CNOT2: variants seen among roughly 807,000 people sequenced by gnomAD.
The protein encoded by CNOT2 is CC chemokine receptor 4-negative regulator of transcription 2.
Under a neutral mutation model 72.1 loss-of-function variants are expected in CNOT2, and 7 were observed. The observed-to-expected ratio is 0.10, with a 90% CI of 0.06 to 0.18. CNOT2 has a LOEUF of 0.18. Ranked by LOEUF, CNOT2 falls within the 10% of genes least tolerant of loss-of-function variation. The pLI is 1.00. For synonymous variants in CNOT2, 196 were observed against 225.6 expected, an observed-to-expected ratio of 0.87 and a Z score of 1.17; for missense variants, 345 against 660.3, an observed-to-expected ratio of 0.52 and a Z score of 5.23.
At chr12:70,254,421 A>G (rs1388859501) in intron 1 of CNOT2, among the ~76,000 whole-genome samples, 1 of 152,046 alleles carries the variant, frequency 6.6e-6, no homozygotes, top group East Asian at 1.9e-4. Flanking sequence ...GGTGGGATGG[A>G]GCGGGATGTC....
At chr12:70,349,509 A>G (rs1347044383) in intron 15 of CNOT2, among the ~76,000 whole-genome samples, 1 of 152,170 alleles carries the variant, frequency 6.6e-6, no homozygotes, top group East Asian at 1.9e-4. Flanking sequence ...ATAATATTTT[A>G]TGTCCATTCA....
chr12:70,254,980 CAAAAAAA>C (rs34311334), intron 1 of CNOT2, among the ~76,000 whole-genome samples: 2 of 110,842 alleles, frequency 1.8e-5, no homozygotes, highest in Non-Finnish European at 3.8e-5. Flanking sequence ...GACTGCATCT[CAAAAAAA>C]AAAAAAAAAA....
At chr12:70,308,793 T>C (rs1875934732) in intron 2 of CNOT2, among the ~76,000 whole-genome samples, 1 of 152,156 alleles carries the variant, frequency 6.6e-6, no homozygotes, top group Admixed American at 6.5e-5. Context: ...GTCTTGATGA[T>C]AAGTGTTATA....
At chr12:70,339,437 C>G (rs1448273775) in intron 11 of CNOT2, among the ~76,000 whole-genome samples, 1 of 152,114 alleles carries the variant, frequency 6.6e-6, no homozygotes, top group Non-Finnish European at 1.5e-5. Context: ...CCATGAAATT[C>G]TGTGGTCAGT....
intron 2 of CNOT2, among the ~76,000 whole-genome samples, chr12:70,281,576 A>C (rs1418934313): frequency 6.6e-6 from 1 of 152,136 alleles, no homozygotes; most frequent in Non-Finnish European, 1.5e-5. Flanking sequence ...ACAGGGGTTT[A>C]CTTATATTGG....
Position 70,344,110 on chromosome 12 carries a change from G to A in CNOT2, c.1291-18G>A, listed in dbSNP as rs1274038351. Reference sequence around the variant, plus strand: ...AGATTTGTTTTATATTTCAGAATAAGTTATTTTTCTTTTTCAGCTGGCTGC... The same window carrying A: ...AGATTTGTTTTATATTTCAGAATAAATTATTTTTCTTTTTCAGCTGGCTGC... On this transcript the variant is annotated intron_variant, in intron 13 of 15. Transcript: ENST00000229195. The A allele has an allele frequency of 6.5e-7, 1 of 1,547,802 alleles. No homozygotes were observed. The highest frequency in any genetic ancestry group is 2.3e-5 in the East Asian group (1 of 44,282).
intron 1 of CNOT2, among the ~76,000 whole-genome samples, chr12:70,262,765 C>T (rs1210445858): frequency 6.6e-6 from 1 of 150,552 alleles, no homozygotes; most frequent in Non-Finnish European, 1.5e-5. Context: ...CCTCTACCTC[C>T]CGGGTTCAAG....
At chr12:70,336,428 T>C (rs1383158495) in intron 8 of CNOT2, 2 of 152,118 alleles carry the variant, frequency 1.3e-5, no homozygotes, top group Non-Finnish European at 2.9e-5. Context: ...ATAGTTTTTT[T>C]CTTTTGGGAA....
chr12:70,284,986 G>A (rs1870612801), intron 2 of CNOT2, among the ~76,000 whole-genome samples: 1 of 152,078 alleles, frequency 6.6e-6, no homozygotes, highest in South Asian at 2.1e-4. Flanking sequence ...TAGCACCCCT[G>A]TGTGTTCGCT....
intron 4 of CNOT2, 127 bp from the exon 5 acceptor site, chr12:70,329,296 A>G (rs929457626): frequency 5.0e-6 from 3 of 596,084 alleles, no homozygotes; most frequent in Non-Finnish European, 8.9e-6. Flanking sequence ...TGAATCGAAT[A>G]TATCCATTTA....
At chr12:70,255,405 A>G (rs1432440874) in intron 1 of CNOT2, among the ~76,000 whole-genome samples, 3 of 152,142 alleles carry the variant, frequency 2.0e-5, no homozygotes, top group Admixed American at 6.5e-5. Flanking sequence ...ATGTGTATGA[A>G]TAACTTACGC....
chr12:70,344,546 C>T (rs1055304441), intron 14 of CNOT2: 1 of 222,020 alleles, frequency 4.5e-6, no homozygotes. Context: ...ACACAGCAAA[C>T]CACATTTCTA....
At chr12:70,319,241 A>G (rs1171368831) in intron 3 of CNOT2, 57 bp from the exon 4 acceptor site, 1 of 1,442,762 alleles carries the variant, frequency 6.9e-7, no homozygotes, top group Non-Finnish European at 9.7e-7. Flanking sequence ...TGTGGAGTGT[A>G]AATGCAATGC....
chr12:70,299,135 C>A (rs116089373), intron 2 of CNOT2, among the ~76,000 whole-genome samples: 1 of 152,042 alleles, frequency 6.6e-6, no homozygotes, highest in African/African-American at 2.4e-5. Context: ...GGAGCAGTCA[C>A]GTCTCACATG....
At chr12:70,243,678 G>C (rs1254694271) in intron 1 of CNOT2, 198 bp downstream of exon 1, 1 of 151,428 alleles carries the variant, frequency 6.6e-6, no homozygotes, top group East Asian at 2.0e-4. Context: ...GAGCGGGCGG[G>C]GAGGGGGGTG....
chr12:70,288,779 A>G (rs1002825974), intron 2 of CNOT2, among the ~76,000 whole-genome samples: 1 of 152,182 alleles, frequency 6.6e-6, no homozygotes, highest in Non-Finnish European at 1.5e-5. Flanking sequence ...ACCAAACAAC[A>G]TCTATTTTAA....
At chr12:70,322,563 G>T (rs1308965723) in intron 4 of CNOT2, 1 of 151,722 alleles carries the variant, frequency 6.6e-6, no homozygotes, top group Non-Finnish European at 1.5e-5. Context: ...ATATCTGGGT[G>T]AATTCATTAT....
chr12:70,245,063 A>G (rs1444804158), intron 1 of CNOT2, among the ~76,000 whole-genome samples: 2 of 152,230 alleles, frequency 1.3e-5, no homozygotes, highest in Non-Finnish European at 2.9e-5. Context: ...AATAAATCTC[A>G]CAATTTTGTA....
chr12:70,319,621 G>A (rs906232561), intron 4 of CNOT2, among the ~76,000 whole-genome samples: 5 of 151,348 alleles, frequency 3.3e-5, no homozygotes, highest in African/African-American at 1.2e-4. Flanking sequence ...TAAATTTTTT[G>A]CAGTATTTTT....
Sources: allele counts gnomAD v4.1 joint callset (sites outside exome capture counted in the v4.1 genomes callset), GRCh38; gene constraint gnomAD v4.1.1; transcripts MANE v1.5; gene names NCBI Gene and HGNC (gene_info 2026-07-23, HGNC 2026-07-21).